The following EFCAB14 variants were observed in gnomAD, a reference collection of about 807,000 sequenced individuals.
EFCAB14 encodes EF-hand calcium-binding domain-containing protein 14.
EFCAB14 carries 43 observed loss-of-function variants against 56.5 expected under a neutral mutation model. The observed-to-expected ratio is 0.76, with a 90% confidence interval of 0.60 to 0.98. EFCAB14 has a LOEUF of 0.98. Ranked by LOEUF, EFCAB14 falls within the 50% of genes least tolerant of loss-of-function variation. The pLI is 0.00. For synonymous variants in EFCAB14, 235 were observed against 212.9 expected (o/e 1.10, Z -0.90); for missense variants, 538 against 580.3 (o/e 0.93, Z 0.75).
At chr1:46,681,291 C>T (rs1385189769) in intron 10 of EFCAB14, among the ~76,000 whole-genome samples, 1 of 152,158 alleles carries the variant, frequency 6.6e-6, no homozygotes, top group Admixed American at 6.5e-5. Context: ...ATACTTGTGT[C>T]CCCATAATCA....
At position 46,677,566 on chromosome 1, in the gene EFCAB14, G is replaced by A. The variant is rs902772237; in HGVS notation, c.*895C>T. ...GGTACTGGTGGTGGGAGCCAGCTAC[G>A]GCTTTAAGACAGACTTAAGTGGGTG... On this transcript the variant is annotated 3_prime_UTR_variant, in exon 11 of 11. Transcript: ENST00000371933. 54 of 152,056 alleles carry A rather than the reference G, an allele frequency of 3.6e-4. 5 individuals carry two copies. The highest frequency in any genetic ancestry group is 8.8e-5 in the Non-Finnish European group (6 of 68,022). The allele number at this position is 152,056 out of a possible 1,614,324, so 9.4% of individuals were successfully genotyped here.
chr1:46,689,701 G>A lies in EFCAB14; in HGVS notation c.691-10C>T, dbSNP rs1253430428. 1.9e-6 allele frequency: 3 copies of A among 1,612,548 alleles called. No homozygotes were observed. The highest frequency in any genetic ancestry group is 2.7e-5 in the African/African-American group (2 of 74,852). On this transcript the variant is annotated splice_polypyrimidine_tract_variant and intron_variant, in intron 5 of 10. Transcript: ENST00000371933. ...TCAAGAAGTGCTGATTCTGTTAAGA[G>A]GAAAGAAGTTTAGTGTAGGCAACAA... is the stretch of plus-strand genomic sequence containing the variant.
At position 46,716,425 on chromosome 1, in the gene EFCAB14, G is replaced by T; in HGVS notation, c.204C>A (p.Cys68Ter). 1 of 1,614,086 alleles carries T rather than the reference G, an allele frequency of 6.2e-7. No homozygotes were observed. The highest frequency in any genetic ancestry group is 1.1e-5 in the South Asian group (1 of 91,078). ...SRFAKGDYLR[C>*]CKICYPLCGF... ...CACAGAGCGGATAACAGATCTTGCA[G>T]CATCGTAAATAGTCTCCCCTGCTCA... Residue 68 changes from cysteine (C) to a stop codon, truncating the protein, a stop_gained, in exon 2 of 11, where the codon TGC becomes TGA. Coordinates refer to ENST00000371933, the MANE Select transcript of EFCAB14 (RefSeq NM_014774.3). LOFTEE classifies it high-confidence loss of function.
At chr1:46,679,006 T>C (rs1676743525) in intron 10 of EFCAB14, among the ~76,000 whole-genome samples, 3 of 152,208 alleles carry the variant, frequency 2.0e-5, no homozygotes, top group African/African-American at 7.2e-5. Flanking sequence ...TCTCATCTTC[T>C]CTCTGTCCAG....
At chr1:46,684,693 G>T in intron 8 of EFCAB14, 91 bp from the exon 9 acceptor site, 1 of 1,039,376 alleles carries the variant, frequency 9.6e-7, no homozygotes. Context: ...TTAGCATGTA[G>T]TGTTTGACCC....
At chr1:46,713,047 A>T (rs1260911209) in intron 2 of EFCAB14, among the ~76,000 whole-genome samples, 2 of 151,986 alleles carry the variant, frequency 1.3e-5, no homozygotes, top group Non-Finnish European at 2.9e-5. Flanking sequence ...AAAAAAAAAA[A>T]ATTTTTTTTT....
At chr1:46,683,547 T>C (rs1557439699) in intron 9 of EFCAB14, 122 bp from the exon 10 acceptor site, 4 of 1,048,532 alleles carry the variant, frequency 3.8e-6, no homozygotes, top group East Asian at 2.6e-5. Flanking sequence ...CATTTGAAGA[T>C]AAAGTAGCAT....
At chr1:46,681,957 A>C (rs1169734821) in intron 10 of EFCAB14, among the ~76,000 whole-genome samples, 4 of 152,138 alleles carry the variant, frequency 2.6e-5, no homozygotes, top group Non-Finnish European at 5.9e-5. Context: ...TCCTCCCCAG[A>C]AAACAGAAAA....
chr1:46,678,820 TAA>T (rs10567663), intron 10 of EFCAB14, among the ~76,000 whole-genome samples, 184 bp from the exon 11 acceptor site: 51,549 of 131,746 alleles, frequency 0.39, 11,113 homozygotes, highest in East Asian at 0.68. Context: ...AAAAATATAT[TAA>T]AAAAAAAAAA....
chr1:46,678,821 A>T (rs1171024943), intron 10 of EFCAB14, among the ~76,000 whole-genome samples, 185 bp from the exon 11 acceptor site: 7 of 25,386 alleles, frequency 2.8e-4, no homozygotes, highest in Middle Eastern at 0.015. Context: ...AAAATATATT[A>T]AAAAAAAAAA....
intron 10 of EFCAB14, among the ~76,000 whole-genome samples, chr1:46,681,663 G>GTTTTTT (rs10654448): frequency 6.7e-6 from 1 of 149,224 alleles, no homozygotes; most frequent in Non-Finnish European, 1.5e-5. Context: ...GAAGAGTTCT[G>GTTTTTT]TTTTTTTTTT....
intron 9 of EFCAB14, chr1:46,684,284 A>G (rs2148838747): frequency 3.7e-6 from 2 of 534,286 alleles, no homozygotes; most frequent in Non-Finnish European, 6.6e-6. Context: ...AACATTACCA[A>G]TTCTTCCCTT....
In EFCAB14 at chr1:46,677,792, T is replaced by TTTTAC. The variant is rs946223641; in HGVS notation, c.*668_*669insGTAAA. The TTTTAC allele has an allele frequency of 3.9e-5, 6 of 152,342 alleles. No individual in the cohort carries two copies. Among genetic ancestry groups the TTTTAC allele is most frequent in the Non-Finnish European group, 8.8e-5 (6 of 68,020 alleles). The allele number at this position is 152,342 out of a possible 1,614,324, so 9.4% of individuals were successfully genotyped here. Reference sequence around the variant, plus strand: ...CCATGAGCCATGCCTGGAGTCAGTATTGTCTCCAGTGTCTACTCCCTGAAA... The same window carrying TTTTAC: ...CCATGAGCCATGCCTGGAGTCAGTATTTTACTGTCTCCAGTGTCTACTCCCTGAAA... On this transcript the variant is annotated 3_prime_UTR_variant, in exon 11 of 11. Transcript: ENST00000371933.
At chr1:46,700,986 A>AGTGAGTGAGTGTGT (rs145670885) in intron 3 of EFCAB14, among the ~76,000 whole-genome samples, 18 of 142,940 alleles carry the variant, frequency 1.3e-4, no homozygotes, top group African/African-American at 2.8e-4. Context: ...AGAGTGAGTG[A>AGTGAGTGAGTGTGT]GTGTGTGTGT....
chr1:46,691,485 C>A lies in EFCAB14; in HGVS notation c.690+342G>T, dbSNP rs377185004. Among the ~76,000 whole-genome samples the A allele has an allele frequency of 1.2e-3, 182 of 152,272 alleles. 1 individual carries two copies. The highest frequency in any genetic ancestry group is 0.01 in the Middle Eastern group (3 of 294). ...GTGAGAAATAATTACTTGTTTTAAG[C>A]CACAAACTTCTGGGGGTGCTTTGTT... On this transcript the variant is annotated intron_variant, in intron 5 of 10. Coordinates refer to ENST00000371933, the MANE Select transcript of EFCAB14 (RefSeq NM_014774.3).
intron 6 of EFCAB14, among the ~76,000 whole-genome samples, chr1:46,688,793 C>G (rs1287577713): frequency 6.6e-6 from 1 of 152,180 alleles, no homozygotes; most frequent in Non-Finnish European, 1.5e-5. Context: ...ACTCTTTGGT[C>G]CCAGAAAGCT....
At chr1:46,712,566 T>G (rs1033272293) in intron 2 of EFCAB14, among the ~76,000 whole-genome samples, 4 of 152,176 alleles carry the variant, frequency 2.6e-5, no homozygotes, top group African/African-American at 9.7e-5. Context: ...TTCCTTTCCT[T>G]GCAAGTGTCT....
chr1:46,711,456 C>T (rs1677307098), intron 2 of EFCAB14, among the ~76,000 whole-genome samples: 1 of 152,168 alleles, frequency 6.6e-6, no homozygotes, highest in Admixed American at 6.5e-5. Context: ...CTAAGAAACA[C>T]ATAAAGCTGA....
chr1:46,709,316 C>T (rs1281925863), intron 2 of EFCAB14, among the ~76,000 whole-genome samples: 1 of 152,198 alleles, frequency 6.6e-6, no homozygotes, highest in African/African-American at 2.4e-5. Flanking sequence ...ACCTTTGAAG[C>T]CTCATGACCC....
Sources: gnomAD v4.1 joint callset for allele counts (sites outside exome capture counted in the v4.1 genomes callset) on GRCh38, gnomAD v4.1.1 for gene constraint, MANE v1.5 for transcripts, NCBI Gene and HGNC (gene_info 2026-07-23, HGNC 2026-07-21) for gene names.